Variants in ACAD9 observed in about 807,000 individuals in gnomAD.
ACAD9 encodes acyl-CoA dehydrogenase family member 9, also known as complex I assembly factor ACAD9, mitochondrial.
A neutral mutation model predicts 70.2 loss-of-function variants in ACAD9; 53 were observed. The observed-to-expected ratio is 0.75, with a 90% confidence interval of 0.61 to 0.95. The LOEUF is 0.95. ACAD9 is among the 40% of genes least tolerant of loss of function. The pLI is 0.00. For missense variants in ACAD9, 777 were observed against 802.8 expected, an observed-to-expected ratio of 0.97 and a Z score of 0.39; for synonymous variants, 313 against 312.1, an observed-to-expected ratio of 1.00 and a Z score of -0.03.
At chr3:128,893,755 C>A in intron 3 of ACAD9, 99 bp downstream of exon 3, 1 of 1,010,486 alleles carries the variant, frequency 9.9e-7, no homozygotes, top group African/African-American at 1.6e-5. Flanking sequence ...TGACACCATC[C>A]GTGGTGGGCT....
chr3:128,881,485 A>G (rs538509117), intron 1 of ACAD9, among the ~76,000 whole-genome samples: 1 of 152,076 alleles, frequency 6.6e-6, no homozygotes, highest in Non-Finnish European at 1.5e-5. Context: ...GGCAAAACCA[A>G]CCTCTCATTA....
intron 5 of ACAD9, among the ~76,000 whole-genome samples, chr3:128,897,173 G>A (rs1935590877): frequency 6.6e-6 from 1 of 152,160 alleles, no homozygotes; most frequent in African/African-American, 2.4e-5. Flanking sequence ...CCTCCTGCCT[G>A]TTTTTTATAA....
At chr3:128,900,719 C>T (rs1286606870) in intron 7 of ACAD9, among the ~76,000 whole-genome samples, 1 of 151,994 alleles carries the variant, frequency 6.6e-6, no homozygotes, top group African/African-American at 2.4e-5. Flanking sequence ...TTGTATTGGC[C>T]ACAGGAAGTC....
intron 2 of ACAD9, among the ~76,000 whole-genome samples, chr3:128,889,651 A>T (rs1935360533): frequency 6.6e-6 from 1 of 152,148 alleles, no homozygotes; most frequent in East Asian, 1.9e-4. Flanking sequence ...CATAATTTTG[A>T]ATTTCATCCA....
intron 11 of ACAD9, 142 bp downstream of exon 11, chr3:128,904,647 G>A: frequency 1.4e-6 from 2 of 1,391,008 alleles, no homozygotes; most frequent in Non-Finnish European, 1.9e-6. Flanking sequence ...GCCCTGTGTA[G>A]CACTCCAGGG....
intron 17 of ACAD9, among the ~76,000 whole-genome samples, chr3:128,911,099 C>G (rs1936256638): frequency 6.6e-6 from 1 of 152,198 alleles, no homozygotes. Flanking sequence ...TCTTGTTGCC[C>G]AAGCTGGAGT....
chr3:128,910,235 T>TAGTCTCTGA, intron 16 of ACAD9, 86 bp downstream of exon 16: 1 of 1,592,796 alleles, frequency 6.3e-7, no homozygotes, highest in East Asian at 2.2e-5. Flanking sequence ...GAGGAGGGTG[T>TAGTCTCTGA]GGTCGGGTGT....
chr3:128,886,416 A>G (rs1050710385), intron 2 of ACAD9, among the ~76,000 whole-genome samples: 3 of 143,226 alleles, frequency 2.1e-5, no homozygotes, highest in African/African-American at 7.5e-5. Flanking sequence ...AAATATTTTG[A>G]AAAATAATCA....
In ACAD9 at chr3:128,910,271, G is replaced by C. The variant is rs201184317; in HGVS notation, c.1692+122G>C. 7.0e-4 allele frequency: 1,073 copies of C among 1,535,334 alleles called. 6 individuals carry two copies. Among genetic ancestry groups the C allele is most frequent in the East Asian group, 2.6e-4 (11 of 41,838 alleles). ...GGGGGAGGCTGTGCAGGTTCACCATGCGGTGGCCGTGGGAGGGTCTGTGCT... is the reference window on the plus strand; with the variant it reads ...GGGGGAGGCTGTGCAGGTTCACCATCCGGTGGCCGTGGGAGGGTCTGTGCT... On this transcript the variant is annotated intron_variant, in intron 16 of 17. Transcript: ENST00000308982.
At chr3:128,898,430 G>C (rs1476572146) in intron 6 of ACAD9, 2 of 442,132 alleles carry the variant, frequency 4.5e-6, no homozygotes, top group African/African-American at 4.6e-5. Flanking sequence ...TTTTGAGACA[G>C]GGTCCCGCTC....
At chr3:128,907,134 G>A (rs560579640) in intron 12 of ACAD9, among the ~76,000 whole-genome samples, 1 of 152,294 alleles carries the variant, frequency 6.6e-6, no homozygotes, top group East Asian at 1.9e-4. Flanking sequence ...GAGACAGGGA[G>A]AGGGTTTGGG....
intron 1 of ACAD9, among the ~76,000 whole-genome samples, chr3:128,882,094 A>C (rs1576327630): frequency 8.5e-6 from 1 of 117,606 alleles, no homozygotes; most frequent in South Asian, 2.5e-4. Context: ...GCTCACTGCA[A>C]CCTTGAACTC....
chr3:128,887,447 A>C (rs1483272804), intron 2 of ACAD9, among the ~76,000 whole-genome samples: 2 of 151,726 alleles, frequency 1.3e-5, no homozygotes, highest in Non-Finnish European at 2.9e-5. Context: ...CTCTACTAAA[A>C]ATTTAAAATA....
At chr3:128,879,999 A>G in intron 1 of ACAD9, 158 bp downstream of exon 1, 1 of 1,549,592 alleles carries the variant, frequency 6.5e-7, no homozygotes. Flanking sequence ...AGTTCCAGGA[A>G]AACCTTCCCA....
chr3:128,911,413 C>T (rs751523875), intron 17 of ACAD9, among the ~76,000 whole-genome samples: 1 of 152,068 alleles, frequency 6.6e-6, no homozygotes, highest in Non-Finnish European at 1.5e-5. Context: ...GGACCCCTGG[C>T]ATCTGCCCAG....
In ACAD9 at chr3:128,887,324, G is replaced by T. The variant is rs959062822; in HGVS notation, c.244+2578G>T. ...CAGAGATGTAAATATATAAGAAACC[G>T]GCTGGGCACGGTGGCTCACACTGGT... On this transcript the variant is annotated intron_variant, in intron 2 of 17. Coordinates refer to ENST00000308982, the MANE Select transcript of ACAD9 (RefSeq NM_014049.5). Among the ~76,000 whole-genome samples, 5 of 152,068 alleles carry T rather than the reference G, an allele frequency of 3.3e-5. 1 individual carries two copies. The South Asian group carries it at 1.0e-3, about 32-fold the overall frequency.
chr3:128,895,415 A>G lies in ACAD9; in HGVS notation c.452A>G (p.Lys151Arg), dbSNP rs774429198. The change falls in exon 4 of 18, where the codon AAG becomes AGG. Residue 151 changes from lysine (K) to arginine (R), a missense_variant and splice_region_variant. Coordinates refer to ENST00000308982, the MANE Select transcript of ACAD9 (RefSeq NM_014049.5). Reference sequence around the variant, plus strand: ...GCAGCGCACCAGGCTATTGGCCTCAAGGTCAGGTATCTGGGGATTCTGTGT... The same window carrying G: ...GCAGCGCACCAGGCTATTGGCCTCAGGGTCAGGTATCTGGGGATTCTGTGT... ...TLAAHQAIGL[K>R]GIILAGTEEQ... The G allele has an allele frequency of 1.6e-5, 25 of 1,603,632 alleles. 1 individual carries two copies. In the Middle Eastern group the frequency reaches 5.0e-4, roughly 32 times the overall value.
At chr3:128,903,194 T>C (rs1164235040) in intron 9 of ACAD9, among the ~76,000 whole-genome samples, 1 of 152,138 alleles carries the variant, frequency 6.6e-6, no homozygotes, top group Non-Finnish European at 1.5e-5. Flanking sequence ...GGTGGAAGCA[T>C]TTGCGGGGAA....
chr3:128,902,472 G>A lies in ACAD9; in HGVS notation c.883-81G>A, dbSNP rs1935769017. The A allele has an allele frequency of 5.6e-6, 8 of 1,423,110 alleles. No individual in the cohort carries two copies. Among genetic ancestry groups the A allele is most frequent in the Non-Finnish European group, 7.0e-6 (7 of 1,006,676 alleles). The allele number at this position is 1,423,110 out of a possible 1,614,324, so 88.2% of individuals were successfully genotyped here. On this transcript the variant is annotated intron_variant, in intron 8 of 17. Transcript: ENST00000308982. This position sits in a 1 kb window ranked among gnomAD's most constrained non-coding sequence, Gnocchi z 4.0. ...CTCCCAGCTTGAGGGAAGGCAAGCT[G>A]ATCCACCTGGCCTGGTTTCGTTGCG...
Sources: allele counts gnomAD v4.1 joint callset (sites outside exome capture counted in the v4.1 genomes callset), GRCh38; gene constraint gnomAD v4.1.1; non-coding constraint Gnocchi (gnomAD v3.1); transcripts MANE v1.5; gene names NCBI Gene and HGNC (gene_info 2026-07-23, HGNC 2026-07-21).